The following EXT1 variants were observed in gnomAD, a reference collection of about 807,000 sequenced individuals.
EXT1 encodes exostosin glycosyltransferase 1.
A neutral mutation model predicts 82.5 loss-of-function variants in EXT1; 20 were observed. The observed-to-expected ratio is 0.24, with a 90% confidence interval of 0.17 to 0.35. The LOEUF is 0.35. EXT1 is among the 10% of genes least tolerant of loss of function. The pLI is 1.00. For missense variants in EXT1, 757 were observed against 936.5 expected (o/e 0.81, Z 2.50); for synonymous variants, 348 against 350.8 (o/e 0.99, Z 0.09).
chr8:117,896,544 C>T (rs1813340600), intron 1 of EXT1, among the ~76,000 whole-genome samples: 1 of 152,174 alleles, frequency 6.6e-6, no homozygotes, highest in Non-Finnish European at 1.5e-5. Flanking sequence ...AGTTTTCACT[C>T]CTCTGCCAAC....
chr8:118,055,247 C>T lies in EXT1; in HGVS notation c.962+54838G>A, dbSNP rs979693810. ...TATAAATGGCATCCTATAACCTATA[C>T]ATTCTTTCTTCTCTGGCTTCTTCAC... On this transcript the variant is annotated intron_variant, in intron 1 of 10. Transcript: ENST00000378204. Among the ~76,000 whole-genome samples the T allele has an allele frequency of 2.2e-4, 33 of 152,306 alleles. 1 individual carries two copies. The highest frequency in any genetic ancestry group is 7.9e-4 in the African/African-American group (33 of 41,568).
intron 9 of EXT1, among the ~76,000 whole-genome samples, chr8:117,806,117 C>T (rs2129697655): frequency 6.6e-6 from 1 of 152,324 alleles, no homozygotes; most frequent in Non-Finnish European, 1.5e-5. Flanking sequence ...TCACTACTTA[C>T]CATGGCCACC....
At chr8:117,932,167 G>C (rs1428895448) in intron 1 of EXT1, among the ~76,000 whole-genome samples, 2 of 151,998 alleles carry the variant, frequency 1.3e-5, no homozygotes, top group East Asian at 1.9e-4. Context: ...GAGGTTTTTG[G>C]GGGGGTGCTT....
intron 1 of EXT1, among the ~76,000 whole-genome samples, chr8:117,880,731 C>T (rs1170273850): frequency 1.3e-5 from 2 of 151,942 alleles, no homozygotes; most frequent in Non-Finnish European, 2.9e-5. Context: ...GGTGGGACTA[C>T]AGGCGCCCGC....
At chr8:117,977,735 A>T (rs1222079911) in intron 1 of EXT1, among the ~76,000 whole-genome samples, 1 of 152,194 alleles carries the variant, frequency 6.6e-6, no homozygotes, top group African/African-American at 2.4e-5. Flanking sequence ...TATCTAATCC[A>T]TGGAGGGTCA....
At chr8:117,930,295 A>C (rs111542753) in intron 1 of EXT1, among the ~76,000 whole-genome samples, 20 of 152,290 alleles carry the variant, frequency 1.3e-4, no homozygotes, top group Non-Finnish European at 2.5e-4. Flanking sequence ...TGGGGAGCGG[A>C]AGGGTGGAGA....
At chr8:117,889,523 C>A (rs1009861877) in intron 1 of EXT1, among the ~76,000 whole-genome samples, 3 of 152,076 alleles carry the variant, frequency 2.0e-5, no homozygotes, top group Non-Finnish European at 4.4e-5. Context: ...GGGACTTGTA[C>A]AGAGCCTGGA....
intron 1 of EXT1, among the ~76,000 whole-genome samples, chr8:117,850,042 T>C (rs945173189): frequency 2.2e-4 from 33 of 152,248 alleles, no homozygotes; most frequent in African/African-American, 7.2e-4. Flanking sequence ...TTTTCCATTG[T>C]ATTGGGTTTC....
At chr8:118,096,068 A>G (rs1312232890) in intron 1 of EXT1, among the ~76,000 whole-genome samples, 1 of 152,238 alleles carries the variant, frequency 6.6e-6, no homozygotes, top group Non-Finnish European at 1.5e-5. Context: ...CAATGCTTCA[A>G]TATCAGTTAG....
At chr8:117,957,501 CAG>C (rs1814612237) in intron 1 of EXT1, among the ~76,000 whole-genome samples, 1 of 152,192 alleles carries the variant, frequency 6.6e-6, no homozygotes, top group Non-Finnish European at 1.5e-5. Context: ...CAACGGGAGA[CAG>C]ACACTGAAAC....
chr8:117,880,046 A>G lies in EXT1; in HGVS notation c.963-42845T>C, dbSNP rs112754386. The stretch of plus-strand genomic sequence containing the variant: ...TGAACCCCAGGAGCAATAATTCTCT[A>G]TGCATAATCATGAATGAAATTCCCT... On this transcript the variant is annotated intron_variant, in intron 1 of 10. Coordinates refer to ENST00000378204, the MANE Select transcript of EXT1 (RefSeq NM_000127.3). 1.8e-4 allele frequency among the ~76,000 whole-genome samples: 27 copies of G among 152,354 alleles called. No homozygotes were observed. In the South Asian group the frequency reaches 2.3e-3, roughly 13 times the overall value.
chr8:117,807,723 G>C (rs1229649782), intron 8 of EXT1, among the ~76,000 whole-genome samples: 1 of 152,058 alleles, frequency 6.6e-6, no homozygotes, highest in African/African-American at 2.4e-5. Flanking sequence ...ATTCACGTGA[G>C]ACACAAACAC....
chr8:118,023,006 T>C (rs1385228254), intron 1 of EXT1, among the ~76,000 whole-genome samples: 1 of 152,232 alleles, frequency 6.6e-6, no homozygotes, highest in East Asian at 1.9e-4. Flanking sequence ...AGAGGATTCA[T>C]ATCTGTAGCT....
chr8:117,920,276 G>A (rs1000028070), intron 1 of EXT1, among the ~76,000 whole-genome samples: 7 of 151,932 alleles, frequency 4.6e-5, no homozygotes, highest in African/African-American at 1.7e-4. Flanking sequence ...GCTGATTTTT[G>A]TATTTTTAGT....
rs151273838 is a variant in EXT1 at position 117,881,629 on chromosome 8, G to A, written c.963-44428C>T. On this transcript the variant is annotated intron_variant, in intron 1 of 10. Transcript: ENST00000378204. ...ATGCAGATGATTGGTTTGCGGCAAC[G>A]TAAAAACCAACTCACATTTCTGCAA... Among the ~76,000 whole-genome samples the A allele has an allele frequency of 2.7e-3, 406 of 152,258 alleles. 3 individuals carry two copies. The highest frequency in any genetic ancestry group is 9.1e-3 in the African/African-American group (380 of 41,546).
At chr8:117,868,848 T>A (rs1039793462) in intron 1 of EXT1, among the ~76,000 whole-genome samples, 1 of 152,056 alleles carries the variant, frequency 6.6e-6, no homozygotes, top group African/African-American at 2.4e-5. Context: ...ACGGAACAAA[T>A]GTTGAAGTCC....
intron 1 of EXT1, among the ~76,000 whole-genome samples, chr8:118,005,472 G>A (rs1369461577): frequency 6.6e-6 from 1 of 152,198 alleles, no homozygotes; most frequent in Non-Finnish European, 1.5e-5. Context: ...GTATATGCCA[G>A]GCTCTTCCTA....
intron 1 of EXT1, among the ~76,000 whole-genome samples, chr8:117,893,232 T>G (rs1002494384): frequency 1.1e-4 from 17 of 152,244 alleles, no homozygotes; most frequent in Non-Finnish European, 2.1e-4. Context: ...TCATCTTCCT[T>G]TTCCAAGTGA....
At chr8:118,025,931 C>T (rs1563632953) in intron 1 of EXT1, among the ~76,000 whole-genome samples, 1 of 152,090 alleles carries the variant, frequency 6.6e-6, no homozygotes, top group Non-Finnish European at 1.5e-5. Context: ...ATCATCCAGG[C>T]ATATCAATCT....
Sources: gnomAD v4.1 joint callset for allele counts (sites outside exome capture counted in the v4.1 genomes callset) on GRCh38, gnomAD v4.1.1 for gene constraint, MANE v1.5 for transcripts, NCBI Gene and HGNC (gene_info 2026-07-23, HGNC 2026-07-21) for gene names.